TTPA: variants seen among roughly 807,000 people sequenced by gnomAD.
TTPA encodes the protein alpha tocopherol transfer protein.
A neutral mutation model predicts 25.9 loss-of-function variants in TTPA; 23 were observed. The ratio of observed to expected loss-of-function variants is 0.89; its 90% confidence interval spans 0.64 to 1.26. The LOEUF is 1.26. TTPA is among the 50% of genes most tolerant of loss of function. The probability of loss-of-function intolerance (pLI) is 0.00; values close to 1 mark genes in which losing one functional copy is unlikely to be tolerated. For missense variants in TTPA, 337 were observed against 353.1 expected (o/e 0.95, Z 0.37); for synonymous variants, 148 against 137.3 (o/e 1.08, Z -0.54).
intron 1 of TTPA, among the ~76,000 whole-genome samples, chr8:63,080,719 C>CAAAAAAA (rs764937720): frequency 2.9e-5 from 2 of 69,866 alleles, no homozygotes; most frequent in African/African-American, 4.5e-5. Context: ...GACTCCGTAT[C>CAAAAAAA]AAAAAAAAAA....
intron 1 of TTPA, among the ~76,000 whole-genome samples, chr8:63,079,165 A>G (rs1180565816): frequency 6.6e-6 from 1 of 152,216 alleles, no homozygotes; most frequent in African/African-American, 2.4e-5. Flanking sequence ...CCTGCCTTAC[A>G]AGAGCTCCTG....
chr8:63,076,895 T>C (rs1227682265), intron 1 of TTPA, among the ~76,000 whole-genome samples: 1 of 152,016 alleles, frequency 6.6e-6, no homozygotes, highest in African/African-American at 2.4e-5. Context: ...GGATTCCTAT[T>C]TTACTCCTAA....
chr8:63,071,074 G>C (rs1428523653), intron 2 of TTPA, among the ~76,000 whole-genome samples: 1 of 152,120 alleles, frequency 6.6e-6, no homozygotes, highest in Non-Finnish European at 1.5e-5. Flanking sequence ...AATCTGGCAA[G>C]ACTACCCCTA....
At chr8:63,067,577 A>C (rs79499575) in intron 2 of TTPA, among the ~76,000 whole-genome samples, 1 of 149,852 alleles carries the variant, frequency 6.7e-6, no homozygotes, top group Non-Finnish European at 1.5e-5. Context: ...CTGGCATGGG[A>C]AACTGGATAG....
At chr8:63,059,447 T>C (rs1200607263), downstream of TTPA, among the ~76,000 whole-genome samples, 1 of 152,184 alleles carries the variant, frequency 6.6e-6, no homozygotes, top group Non-Finnish European at 1.5e-5. Flanking sequence ...ATCATAGATA[T>C]ATGTATAATC....
At chr8:63,085,251 C>G (rs769236790) in intron 1 of TTPA, among the ~76,000 whole-genome samples, 2 of 152,176 alleles carry the variant, frequency 1.3e-5, no homozygotes, top group Non-Finnish European at 2.9e-5. Context: ...TACCAGAAAC[C>G]AAAAGAACTG....
At chr8:63,072,099 T>C (rs1052603416) in intron 2 of TTPA, among the ~76,000 whole-genome samples, 1 of 152,196 alleles carries the variant, frequency 6.6e-6, no homozygotes, top group Non-Finnish European at 1.5e-5. Flanking sequence ...CTCCTCGGCC[T>C]GGGGCATTTT....
At chr8:63,076,542 T>C (rs1176972486) in intron 1 of TTPA, among the ~76,000 whole-genome samples, 1 of 152,184 alleles carries the variant, frequency 6.6e-6, no homozygotes, top group African/African-American at 2.4e-5. Context: ...TTAGACACAG[T>C]CCTGCTAGCC....
In TTPA at chr8:63,061,059, T is replaced by C. The variant is rs1463426984; in HGVS notation, c.*193A>G. ...TACTGACATTTAATTACTTCAAAAGTAGAGAAAAAAGCATTTAAAAAGTAA... is the reference window on the plus strand; with the variant it reads ...TACTGACATTTAATTACTTCAAAAGCAGAGAAAAAAGCATTTAAAAAGTAA... On this transcript the variant is annotated 3_prime_UTR_variant, in exon 5 of 5. Transcript: ENST00000260116. The C allele has an allele frequency of 6.9e-6, 4 of 581,078 alleles. No individual in the cohort carries two copies. Among genetic ancestry groups the C allele is most frequent in the Non-Finnish European group, 1.2e-5 (4 of 334,994 alleles). 36.0% of individuals were successfully genotyped at this position (581,078 alleles called of 1,614,324 possible). A position where few individuals can be genotyped will look rare whatever the true frequency, so the allele number is the denominator to read the frequency against.
chr8:63,074,239 T>C (rs943340152), intron 1 of TTPA, among the ~76,000 whole-genome samples: 2 of 152,072 alleles, frequency 1.3e-5, no homozygotes, highest in Admixed American at 6.6e-5. Flanking sequence ...ATGCTGAGCC[T>C]TGGGAAATGT....
intron 2 of TTPA, 115 bp downstream of exon 2, chr8:63,072,820 A>T (rs987936542): frequency 2.4e-6 from 3 of 1,267,372 alleles, no homozygotes; most frequent in Admixed American, 2.2e-5. Flanking sequence ...GAATGCATTG[A>T]AGCTTTCTAT....
At chr8:63,079,206 T>C (rs12545661) in intron 1 of TTPA, among the ~76,000 whole-genome samples, 125,700 of 152,208 alleles carry the variant, frequency 0.83, 52,575 homozygotes, top group East Asian at 0.99. Flanking sequence ...AAGGAACAAC[T>C]GGTACCAGCC....
chr8:63,071,442 C>T (rs1225428509), intron 2 of TTPA, among the ~76,000 whole-genome samples: 1 of 152,240 alleles, frequency 6.6e-6, no homozygotes, highest in African/African-American at 2.4e-5. Context: ...AAATTCTGGT[C>T]ATGAAATGTT....
intron 2 of TTPA, among the ~76,000 whole-genome samples, 155 bp downstream of exon 2, chr8:63,072,780 T>C (rs922393829): frequency 2.6e-5 from 4 of 152,134 alleles, no homozygotes; most frequent in African/African-American, 9.7e-5. Context: ...AAACCTAAAA[T>C]TTTAAATTAA....
At chr8:63,065,469 A>G (rs1016499858) in intron 3 of TTPA, among the ~76,000 whole-genome samples, 3 of 152,174 alleles carry the variant, frequency 2.0e-5, no homozygotes, top group Non-Finnish European at 4.4e-5. Context: ...TTCCTTAGCT[A>G]GTTTCCCAGA....
intron 1 of TTPA, among the ~76,000 whole-genome samples, chr8:63,081,164 C>A (rs908375723): frequency 1.3e-5 from 2 of 152,078 alleles, no homozygotes; most frequent in African/African-American, 4.8e-5. Context: ...ATCCTGATAT[C>A]AAAGCCTGGC....
At chr8:63,079,521 C>T (rs1467234342) in intron 1 of TTPA, among the ~76,000 whole-genome samples, 1 of 152,050 alleles carries the variant, frequency 6.6e-6, no homozygotes, top group Non-Finnish European at 1.5e-5. Flanking sequence ...GCAGGGGTTG[C>T]AATCCTAGTC....
intron 4 of TTPA, among the ~76,000 whole-genome samples, chr8:63,062,211 G>C (rs1350011451): frequency 1.3e-5 from 2 of 151,428 alleles, no homozygotes; most frequent in South Asian, 2.1e-4. Flanking sequence ...GAATTAAAAA[G>C]TCAAATTTTA....
At chr8:63,062,696 G>A (rs1388709924) in intron 4 of TTPA, among the ~76,000 whole-genome samples, 1 of 152,090 alleles carries the variant, frequency 6.6e-6, no homozygotes. Flanking sequence ...AACTTTCACT[G>A]ACATCCTTCC....
Sources: allele counts gnomAD v4.1 joint callset (sites outside exome capture counted in the v4.1 genomes callset), GRCh38; gene constraint gnomAD v4.1.1; transcripts MANE v1.5; gene names NCBI Gene and HGNC (gene_info 2026-07-23, HGNC 2026-07-21).